PHKG1: variants seen among roughly 807,000 people sequenced by gnomAD.
PHKG1 encodes phosphorylase kinase catalytic subunit gamma 1.
In PHKG1, 48 loss-of-function variants were observed where a neutral mutation model predicts 50.5. That is an observed-to-expected ratio of 0.95 (90% confidence interval 0.75 to 1.21). The LOEUF (loss-of-function observed/expected upper bound fraction) is 1.21, where lower values mean the gene tolerates loss of function less well. PHKG1 is among the 50% of genes most tolerant of loss of function. The pLI, the probability that PHKG1 is intolerant of heterozygous loss-of-function variation, is 0.00. For synonymous variants in PHKG1, 204 were observed against 212.8 expected (o/e 0.96, Z 0.36); for missense variants, 487 against 519.5 (o/e 0.94, Z 0.61).
intron 4 of PHKG1, among the ~76,000 whole-genome samples, chr7:56,084,780 T>C (rs1796185130): frequency 6.6e-6 from 1 of 151,796 alleles, no homozygotes; most frequent in Non-Finnish European, 1.5e-5. Context: ...TTCAATCTTC[T>C]TACCTCCTGG....
At chr7:56,087,193 CTTT>C (rs1417132219) in intron 3 of PHKG1, among the ~76,000 whole-genome samples, 169 bp from the exon 4 acceptor site, 4 of 116,696 alleles carry the variant, frequency 3.4e-5, no homozygotes, top group South Asian at 5.3e-4. Flanking sequence ...GGCCCAGGGA[CTTT>C]ATTATTATTA....
rs778940977 is a variant in PHKG1 at position 56,081,605 on chromosome 7, G to A, written c.918+25C>T. ...AGAGGTTTGCACTTAGGGAGCTGGC[G>A]GGCCTGGATCAGGACGCTTAGTACC... On this transcript the variant is annotated intron_variant, in intron 9 of 9. Coordinates refer to ENST00000297373, the MANE Select transcript of PHKG1 (RefSeq NM_006213.5). The surrounding 1 kb of genome is among the most constrained non-coding windows in gnomAD (Gnocchi z 4.6). The A allele has an allele frequency of 5.0e-6, 8 of 1,610,972 alleles. No homozygotes were observed. The Admixed American group carries it at 5.0e-5, about 10-fold the overall frequency.
intron 6 of PHKG1, among the ~76,000 whole-genome samples, chr7:56,082,977 G>A (rs62457289): frequency 0.17 from 26,432 of 151,910 alleles, 2,612 homozygotes; most frequent in Admixed American, 0.24. Context: ...GTTGTGGCGC[G>A]TGCCTGCAAT....
In PHKG1 at chr7:56,081,843, G is replaced by T. The variant is rs572958289; in HGVS notation, c.792+50C>A. On this transcript the variant is annotated intron_variant, in intron 8 of 9. Transcript: ENST00000297373. This position sits in a 1 kb window ranked among gnomAD's most constrained non-coding sequence, Gnocchi z 4.6. ...AGGCAGGGCCTCCCCGGGCAGGGGC[G>T]CCTGGCATCGCAGCCCTGAGCCCAG... 38 of 1,609,178 alleles carry T rather than the reference G, an allele frequency of 2.4e-5. No individual in the cohort carries two copies. The highest frequency in any genetic ancestry group is 3.1e-5 in the Non-Finnish European group (37 of 1,177,458).
In PHKG1 at chr7:56,081,639, C is replaced by G. The variant is rs1051312547; in HGVS notation, c.909G>C (p.Gly303=). ...VEEVRHFSPR[G]KFKVIALTVL... The stretch of plus-strand genomic sequence containing the variant: ...TCAGGACGCTTAGTACCTTGAACTT[C>G]CCCCGGGGGCTGAAGTGCCGCACTT... The change falls in exon 9 of 10, where the codon GGG becomes GGC. Residue 303 remains glycine, a synonymous_variant. Coordinates refer to ENST00000297373, the MANE Select transcript of PHKG1 (RefSeq NM_006213.5). The surrounding 1 kb of genome is among the most constrained non-coding windows in gnomAD (Gnocchi z 4.6). 2 of 1,613,526 alleles carry G rather than the reference C, an allele frequency of 1.2e-6. No homozygotes were observed. The highest frequency in any genetic ancestry group is 1.7e-6 in the Non-Finnish European group (2 of 1,179,918).
chr7:56,084,187 A>G (rs1331099286), intron 4 of PHKG1: 127 of 1,534,654 alleles, frequency 8.3e-5, no homozygotes, highest in Non-Finnish European at 1.1e-4. Context: ...TGGACTTGGG[A>G]GAGTCCCAGC....
chr7:56,092,024 C>A (rs757796526), intron 1 of PHKG1, among the ~76,000 whole-genome samples: 1 of 152,256 alleles, frequency 6.6e-6, no homozygotes, highest in Non-Finnish European at 1.5e-5. Flanking sequence ...TCCCCCAGCC[C>A]TCCATGAGCA....
intron 4 of PHKG1, among the ~76,000 whole-genome samples, chr7:56,086,152 G>A (rs1796240408): frequency 6.6e-6 from 1 of 151,472 alleles, no homozygotes; most frequent in Admixed American, 6.6e-5. Flanking sequence ...TCGGTCTAAG[G>A]AAGCCCCTGT....
chr7:56,092,040 T>C (rs1180031218), intron 1 of PHKG1, among the ~76,000 whole-genome samples: 1 of 152,206 alleles, frequency 6.6e-6, no homozygotes, highest in African/African-American at 2.4e-5. Flanking sequence ...GAGCAGAAAG[T>C]ACACTTGGAC....
At chr7:56,082,646 G>A (rs976607649) in intron 6 of PHKG1, among the ~76,000 whole-genome samples, 4 of 152,070 alleles carry the variant, frequency 2.6e-5, no homozygotes, top group African/African-American at 9.7e-5. Flanking sequence ...AACAGAAATG[G>A]CGCTCGGGCT....
At chr7:56,092,303 C>T (rs1203470955) in intron 1 of PHKG1, among the ~76,000 whole-genome samples, 2 of 152,136 alleles carry the variant, frequency 1.3e-5, no homozygotes, top group Admixed American at 6.6e-5. Flanking sequence ...GACAGAATCT[C>T]GCTCTGTCGC....
In PHKG1 at chr7:56,083,306, G is replaced by A. The variant is rs1351706559; in HGVS notation, c.519C>T (p.Cys173=). 1.2e-5 allele frequency: 19 copies of A among 1,613,984 alleles called. No homozygotes were observed. The highest frequency in any genetic ancestry group is 1.6e-5 in the Non-Finnish European group (19 of 1,179,942). Residue 173 remains cysteine (C), a synonymous_variant, in exon 6 of 10, where the codon TGC becomes TGT. Coordinates refer to ENST00000297373, the MANE Select transcript of PHKG1 (RefSeq NM_006213.5). ...GCAGCCTCTCTCCCGGCTCCAGCTG[G>A]CAGGAAAAGCCAAAGTCTGTGAGCT... ...NIKLTDFGFS[C]QLEPGERLRE... is the part of the protein sequence containing the mutation.
At chr7:56,083,990 ATTT>A (rs1449782484) in intron 4 of PHKG1, among the ~76,000 whole-genome samples, 1 of 152,034 alleles carries the variant, frequency 6.6e-6, no homozygotes, top group Non-Finnish European at 1.5e-5. Flanking sequence ...CCCTGACTGA[ATTT>A]TTCCCCTGGA....
At chr7:56,083,581 T>C in intron 5 of PHKG1, 69 bp downstream of exon 5, 1 of 1,499,048 alleles carries the variant, frequency 6.7e-7, no homozygotes, top group Non-Finnish European at 9.2e-7. Flanking sequence ...CTGCCTCCCC[T>C]GAGACCCCAG....
At chr7:56,084,342 C>A (rs1796157921) in intron 4 of PHKG1, 1 of 659,288 alleles carries the variant, frequency 1.5e-6, no homozygotes, top group South Asian at 1.8e-5. Flanking sequence ...GGACCCCAGA[C>A]CCAGATCAGA....
rs192764931 is a variant in PHKG1 at position 56,082,226 on chromosome 7, G to T, written c.575C>A (p.Ala192Asp). ...CATGGAGCACTCGATAATCTCAGGGGCCAGGTAACTGGGGGTCCCGCAGAC... is the reference window on the plus strand; with the variant it reads ...CATGGAGCACTCGATAATCTCAGGGTCCAGGTAACTGGGGGTCCCGCAGAC... ...REVCGTPSYL[A>D]PEIIECSMNE... The change falls in exon 7 of 10, where the codon GCC becomes GAC. Residue 192 changes from alanine (A) to aspartate (D), a missense_variant. By Grantham distance (126) the Ala-to-Asp change is moderately radical (BLOSUM62 -2). Transcript: ENST00000297373. 7.1e-5 allele frequency: 114 copies of T among 1,613,736 alleles called. 1 individual carries two copies. In the East Asian group the frequency reaches 1.8e-3, roughly 26 times the overall value.
At chr7:56,085,218 C>T (rs1361512492) in intron 4 of PHKG1, among the ~76,000 whole-genome samples, 1 of 152,122 alleles carries the variant, frequency 6.6e-6, no homozygotes, top group Non-Finnish European at 1.5e-5. Context: ...GCCTCAGCCT[C>T]CCAAAGTACT....
chr7:56,084,707 A>T (rs966994578), intron 4 of PHKG1, among the ~76,000 whole-genome samples: 1 of 152,072 alleles, frequency 6.6e-6, no homozygotes, highest in East Asian at 1.9e-4. Flanking sequence ...AACAAATGGG[A>T]AGAATCGGCT....
intron 3 of PHKG1, 147 bp from the exon 4 acceptor site, chr7:56,087,171 G>C: frequency 3.0e-6 from 2 of 660,140 alleles, no homozygotes; most frequent in Non-Finnish European, 5.6e-6. Context: ...ACGTCAACCT[G>C]GGATGTGGGC....
Sources: allele counts gnomAD v4.1 joint callset (sites outside exome capture counted in the v4.1 genomes callset), GRCh38; gene constraint gnomAD v4.1.1; non-coding constraint Gnocchi (gnomAD v3.1); transcripts MANE v1.5; gene names NCBI Gene and HGNC (gene_info 2026-07-23, HGNC 2026-07-21).